Variants in TSHZ2 observed in about 807,000 individuals in gnomAD.
TSHZ2 encodes the protein teashirt homolog 2.
TSHZ2 carries 21 observed loss-of-function variants against 74.4 expected under a neutral mutation model. The observed-to-expected ratio is 0.28, with a 90% CI of 0.20 to 0.41. TSHZ2 has a LOEUF of 0.41. Among genes scored for constraint, TSHZ2 ranks in the 10% least tolerant of loss-of-function variants. The probability of loss-of-function intolerance (pLI) is 1.00; values close to 1 mark genes in which losing one functional copy is unlikely to be tolerated. For missense variants in TSHZ2, 1,244 were observed against 1,293.5 expected, an observed-to-expected ratio of 0.96 and a Z score of 0.59; for synonymous variants, 540 against 515.3, an observed-to-expected ratio of 1.05 and a Z score of -0.65.
At chr20:53,119,608 G>GTAA (rs1986757989) in intron 1 of TSHZ2, among the ~76,000 whole-genome samples, 1 of 152,148 alleles carries the variant, frequency 6.6e-6, no homozygotes, top group Non-Finnish European at 1.5e-5. Context: ...CTATCAAGAT[G>GTAA]TAATATGCAA....
At chr20:53,469,048 TATATATATATATATA>T (rs1985659125) in intron 2 of TSHZ2, among the ~76,000 whole-genome samples, 5 of 93,742 alleles carry the variant, frequency 5.3e-5, no homozygotes, top group Non-Finnish European at 6.4e-5. Flanking sequence ...CGATATTTTA[TATATATATATATATA>T]TATATATATA....
intron 1 of TSHZ2, among the ~76,000 whole-genome samples, chr20:53,193,127 G>C (rs937436632): frequency 2.2e-5 from 3 of 137,554 alleles, no homozygotes; most frequent in African/African-American, 8.2e-5. Flanking sequence ...GAACCATGAA[G>C]AATGTTCCTC....
intron 1 of TSHZ2, among the ~76,000 whole-genome samples, chr20:53,234,949 G>A (rs1218507845): frequency 6.6e-6 from 1 of 152,066 alleles, no homozygotes; most frequent in African/African-American, 2.4e-5. Flanking sequence ...GTTAAGCATT[G>A]ACAGTAAGCC....
At chr20:53,221,795 A>C (rs1989565173) in intron 1 of TSHZ2, among the ~76,000 whole-genome samples, 1 of 152,244 alleles carries the variant, frequency 6.6e-6, no homozygotes. Context: ...TCAGCTGTTA[A>C]GTATAACCAG....
intron 1 of TSHZ2, among the ~76,000 whole-genome samples, chr20:53,171,753 T>C (rs1227507833): frequency 6.6e-6 from 1 of 152,176 alleles, no homozygotes; most frequent in Non-Finnish European, 1.5e-5. Flanking sequence ...TATGTTTTTC[T>C]CATTTATTTT....
At chr20:53,353,461 C>T (rs1442853180) in intron 2 of TSHZ2, among the ~76,000 whole-genome samples, 1 of 152,224 alleles carries the variant, frequency 6.6e-6, no homozygotes, top group East Asian at 1.9e-4. Flanking sequence ...ATCGATTCTT[C>T]CTAGCCTAAA....
chr20:53,325,460 C>G (rs200643), intron 2 of TSHZ2, among the ~76,000 whole-genome samples: 134,120 of 152,218 alleles, frequency 0.88, 59,329 homozygotes, highest in African/African-American at 0.96. Context: ...AGCAGCTGGC[C>G]GTTGCGTGTG....
intron 1 of TSHZ2, among the ~76,000 whole-genome samples, chr20:53,064,001 T>G (rs1984900486): frequency 6.6e-6 from 1 of 152,094 alleles, no homozygotes. Context: ...ATGCAGCAAA[T>G]TACTATATCT....
At chr20:53,418,160 G>C (rs1031223291) in intron 2 of TSHZ2, among the ~76,000 whole-genome samples, 3 of 152,226 alleles carry the variant, frequency 2.0e-5, no homozygotes, top group Admixed American at 1.3e-4. Flanking sequence ...ACAGCCTGCT[G>C]AGAGAGTAAA....
At chr20:53,227,602 C>T (rs567838605) in intron 1 of TSHZ2, among the ~76,000 whole-genome samples, 1 of 152,208 alleles carries the variant, frequency 6.6e-6, no homozygotes, top group South Asian at 2.1e-4. Context: ...TTCTATCAAA[C>T]TGAAGGGTAA....
chr20:52,976,593 G>T (rs555868820), intron 1 of TSHZ2, among the ~76,000 whole-genome samples: 89 of 152,330 alleles, frequency 5.8e-4, no homozygotes, highest in African/African-American at 2.0e-3. Flanking sequence ...CATTTTGCAG[G>T]ATGCAGAGTG....
intron 2 of TSHZ2, among the ~76,000 whole-genome samples, chr20:53,470,812 CA>C (rs959926087): frequency 7.0e-5 from 10 of 142,898 alleles, no homozygotes; most frequent in Middle Eastern, 3.6e-3. Context: ...AAATCCATCT[CA>C]AAAAAAATAA....
chr20:53,323,553 C>T (rs983975900), intron 2 of TSHZ2, among the ~76,000 whole-genome samples: 1 of 122,962 alleles, frequency 8.1e-6, no homozygotes, highest in African/African-American at 3.1e-5. Flanking sequence ...GTTTTCATTG[C>T]CTTGGAGGGC....
intron 2 of TSHZ2, among the ~76,000 whole-genome samples, chr20:53,260,306 AT>A (rs1990578066): frequency 6.6e-6 from 1 of 152,206 alleles, no homozygotes; most frequent in Non-Finnish European, 1.5e-5. Context: ...TTCACTCATG[AT>A]AGGGAAGAGA....
At chr20:53,250,945 G>A (rs553943278) in intron 1 of TSHZ2, among the ~76,000 whole-genome samples, 39 of 150,606 alleles carry the variant, frequency 2.6e-4, no homozygotes, top group African/African-American at 8.0e-4. Context: ...ACAGGTGCAC[G>A]CATTAGAGTG....
chr20:52,992,374 A>T (rs1173190093), intron 1 of TSHZ2, among the ~76,000 whole-genome samples: 1 of 152,212 alleles, frequency 6.6e-6, no homozygotes, highest in Non-Finnish European at 1.5e-5. Flanking sequence ...AATGTCATAT[A>T]GATAAACCGA....
chr20:53,097,191 G>A (rs1045062886), intron 1 of TSHZ2, among the ~76,000 whole-genome samples: 1 of 152,138 alleles, frequency 6.6e-6, no homozygotes, highest in Non-Finnish European at 1.5e-5. Flanking sequence ...GAACAAAACT[G>A]CCTCTGATTG....
chr20:53,295,764 T>C (rs539318335), intron 2 of TSHZ2, among the ~76,000 whole-genome samples: 5 of 152,204 alleles, frequency 3.3e-5, no homozygotes, highest in Admixed American at 6.5e-5. Context: ...TTTCTCTTTG[T>C]TGGGACAAGA....
At chr20:53,380,759 A>C (rs1421934982) in intron 2 of TSHZ2, among the ~76,000 whole-genome samples, 1 of 152,110 alleles carries the variant, frequency 6.6e-6, no homozygotes, top group Non-Finnish European at 1.5e-5. Context: ...GCAGGTGAAC[A>C]CTCTTCTGCA....
Sources: gnomAD v4.1 joint callset for allele counts (sites outside exome capture counted in the v4.1 genomes callset) on GRCh38, gnomAD v4.1.1 for gene constraint, MANE v1.5 for transcripts, NCBI Gene and HGNC (gene_info 2026-07-23, HGNC 2026-07-21) for gene names.